REV1: variants seen among roughly 807,000 people sequenced by gnomAD.
The protein encoded by REV1 is translesion synthesis protein REV1.
A neutral mutation model predicts 137.4 loss-of-function variants in REV1; 42 were observed. The ratio of observed to expected loss-of-function variants is 0.31; its 90% CI spans 0.24 to 0.40. REV1 has a LOEUF of 0.40. Among genes scored for constraint, REV1 ranks in the 10% least tolerant of loss-of-function variants. The pLI, the probability that REV1 is intolerant of heterozygous loss-of-function variation, is 1.00. For synonymous variants in REV1, 524 were observed against 519.2 expected (o/e 1.01, Z -0.12); for missense variants, 1,282 against 1,490.1 (o/e 0.86, Z 2.30).
At chr2:99,406,587 C>T (rs1049200952) in intron 15 of REV1, 97 bp from the exon 16 acceptor site, 2 of 935,608 alleles carry the variant, frequency 2.1e-6, no homozygotes, top group South Asian at 5.1e-5. Context: ...TCACTATCTC[C>T]TGGATCCTGT....
chr2:99,478,965 C>T (rs904075171), intron 1 of REV1, among the ~76,000 whole-genome samples: 4 of 152,188 alleles, frequency 2.6e-5, no homozygotes, highest in Admixed American at 6.5e-5. Flanking sequence ...AATGATGCTA[C>T]AACGTGTCCT....
intron 14 of REV1, 53 bp downstream of exon 14, chr2:99,410,642 C>G (rs142397096): frequency 2.7e-5 from 39 of 1,443,904 alleles, no homozygotes; most frequent in Non-Finnish European, 3.6e-5. Flanking sequence ...CTATTACTTA[C>G]AACAACCTGT....
intron 6 of REV1, 81 bp from the exon 7 acceptor site, chr2:99,436,022 A>G: frequency 2.4e-6 from 2 of 833,546 alleles, no homozygotes; most frequent in Admixed American, 4.4e-5. Flanking sequence ...TTTAGAAATT[A>G]TATTTAAAAC....
At chr2:99,432,574 C>T (rs768488502) in intron 8 of REV1, among the ~76,000 whole-genome samples, 1 of 152,024 alleles carries the variant, frequency 6.6e-6, no homozygotes, top group Non-Finnish European at 1.5e-5. Context: ...GCTCCTAATA[C>T]GTGAAAAGGC....
At chr2:99,407,162 T>C (rs1197512180) in intron 15 of REV1, among the ~76,000 whole-genome samples, 20 of 132,788 alleles carry the variant, frequency 1.5e-4, no homozygotes, top group Non-Finnish European at 9.3e-5. Context: ...CGATCTTGGC[T>C]CATGCAAGCT....
At chr2:99,432,062 G>A (rs930841584) in intron 8 of REV1, 6 of 276,660 alleles carry the variant, frequency 2.2e-5, no homozygotes, top group Non-Finnish European at 3.3e-5. Context: ...TGGAAATCCA[G>A]GAAGGGGTAA....
chr2:99,446,742 C>T (rs932483863), intron 4 of REV1, among the ~76,000 whole-genome samples: 1 of 152,152 alleles, frequency 6.6e-6, no homozygotes, highest in East Asian at 1.9e-4. Flanking sequence ...ATCCACCCAC[C>T]TTGGCCTCCC....
At chr2:99,453,127 A>G (rs10170425) in intron 3 of REV1, among the ~76,000 whole-genome samples, 92,600 of 152,060 alleles carry the variant, frequency 0.61, 28,910 homozygotes, top group African/African-American at 0.72. Flanking sequence ...CTGGGAGGCC[A>G]AGGGGGAGGG....
At chr2:99,473,746 G>C (rs1224123789) in intron 1 of REV1, among the ~76,000 whole-genome samples, 2 of 152,136 alleles carry the variant, frequency 1.3e-5, no homozygotes, top group Non-Finnish European at 2.9e-5. Flanking sequence ...GATAAACACA[G>C]AATTCAAAGA....
intron 12 of REV1, among the ~76,000 whole-genome samples, chr2:99,416,061 A>C (rs1386108040): frequency 6.6e-6 from 1 of 152,260 alleles, no homozygotes; most frequent in East Asian, 1.9e-4. Context: ...CTAATTGTTT[A>C]TTACTGTGCG....
chr2:99,414,423 C>G (rs766525326), intron 12 of REV1, among the ~76,000 whole-genome samples: 2 of 149,482 alleles, frequency 1.3e-5, no homozygotes, highest in African/African-American at 4.9e-5. Flanking sequence ...GAACAAAGGG[C>G]AAGTAAATAC....
At chr2:99,403,654 C>CT in intron 19 of REV1, 41 bp downstream of exon 19, 2 of 1,613,716 alleles carry the variant, frequency 1.2e-6, no homozygotes, top group East Asian at 2.2e-5. Context: ...CTCCATTACT[C>CT]TTTGTCTTCA....
At chr2:99,479,779 AAAT>A (rs60339972) in intron 1 of REV1, among the ~76,000 whole-genome samples, 12 of 150,018 alleles carry the variant, frequency 8.0e-5, no homozygotes, top group Non-Finnish European at 1.0e-4. Context: ...AAAAAAGTAA[AAAT>A]AATAATAATA....
chr2:99,465,166 T>C (rs1195571436), intron 1 of REV1, among the ~76,000 whole-genome samples, 181 bp from the exon 2 acceptor site: 2 of 149,094 alleles, frequency 1.3e-5, no homozygotes, highest in African/African-American at 2.5e-5. Flanking sequence ...GTGAAATTTG[T>C]CTATAAAACA....
chr2:99,442,196 G>A, intron 5 of REV1, 121 bp downstream of exon 5: 1 of 871,782 alleles, frequency 1.1e-6, no homozygotes, highest in Non-Finnish European at 1.6e-6. Context: ...AGGTTGCAAT[G>A]AGCCGAGATC....
At chr2:99,467,553 A>G (rs570002333) in intron 1 of REV1, among the ~76,000 whole-genome samples, 8 of 152,322 alleles carry the variant, frequency 5.3e-5, no homozygotes, top group South Asian at 2.1e-4. Context: ...ACATTTGGCA[A>G]TCCTAGAAGA....
chr2:99,418,353 T>C (rs1678179169), intron 12 of REV1, among the ~76,000 whole-genome samples: 1 of 152,156 alleles, frequency 6.6e-6, no homozygotes, highest in Admixed American at 6.5e-5. Context: ...CTTCTTTACG[T>C]TTCCTTTTTC....
chr2:99,473,992 A>G (rs1268308436), intron 1 of REV1, among the ~76,000 whole-genome samples: 2 of 152,222 alleles, frequency 1.3e-5, no homozygotes, highest in Non-Finnish European at 2.9e-5. Flanking sequence ...TATAAAAGCA[A>G]TTCGTGTTTA....
intron 19 of REV1, chr2:99,403,425 A>T (rs539709157): frequency 3.5e-6 from 2 of 566,158 alleles, no homozygotes; most frequent in Non-Finnish European, 6.2e-6. Flanking sequence ...CAACTAGCTG[A>T]ACAAGTATTT....
Sources: allele counts gnomAD v4.1 joint callset (sites outside exome capture counted in the v4.1 genomes callset), GRCh38; gene constraint gnomAD v4.1.1; transcripts MANE v1.5; gene names NCBI Gene and HGNC (gene_info 2026-07-23, HGNC 2026-07-21).